Variants in PRR16 observed in about 807,000 individuals in gnomAD.
PRR16 encodes the protein protein Largen.
In PRR16, 6 loss-of-function variants were observed where a neutral mutation model predicts 18.2. The observed-to-expected ratio is 0.33, with a 90% CI of 0.18 to 0.65. PRR16 has a LOEUF of 0.65. Ranked by LOEUF, PRR16 falls within the 30% of genes least tolerant of loss-of-function variation. The pLI, the probability that PRR16 is intolerant of heterozygous loss-of-function variation, is 0.74. For missense variants in PRR16, 412 were observed against 376.6 expected, an observed-to-expected ratio of 1.09 and a Z score of -0.78; for synonymous variants, 151 against 147.8, an observed-to-expected ratio of 1.02 and a Z score of -0.16.
chr5:120,755,015 A>T, the PRR16 span, among the ~76,000 whole-genome samples: 1 of 125,468 alleles, frequency 8.0e-6, no homozygotes, highest in Non-Finnish European at 1.6e-5. Context: ...GTATTATGTG[A>T]CTAAGTTTTT....
At chr5:120,726,795 A>G in the PRR16 span, among the ~76,000 whole-genome samples, 2 of 152,080 alleles carry the variant, frequency 1.3e-5, no homozygotes, top group Non-Finnish European at 2.9e-5. Context: ...TCAACTTGTC[A>G]TAGAAATGGG....
the PRR16 span, among the ~76,000 whole-genome samples, chr5:120,783,712 G>A: frequency 1.3e-5 from 2 of 152,110 alleles, no homozygotes; most frequent in Non-Finnish European, 1.5e-5. Flanking sequence ...TCATGTTTTT[G>A]TGTTGGGAAC....
chr5:120,710,249 G>C, the PRR16 span, among the ~76,000 whole-genome samples: 3 of 152,076 alleles, frequency 2.0e-5, no homozygotes, highest in Admixed American at 6.6e-5. Context: ...GTGATGTTTA[G>C]CATCATAGCT....
chr5:120,518,644 CAT>C (rs1316161831), intron 1 of PRR16, among the ~76,000 whole-genome samples: 1 of 151,698 alleles, frequency 6.6e-6, no homozygotes, highest in Admixed American at 6.6e-5. Flanking sequence ...TTTTCCTGGA[CAT>C]GTGGCCTTCT....
At chr5:120,747,751 A>G in the PRR16 span, among the ~76,000 whole-genome samples, 1 of 151,912 alleles carries the variant, frequency 6.6e-6, no homozygotes, top group East Asian at 1.9e-4. Context: ...AGGAAGGAAG[A>G]GAAAGATGAA....
chr5:120,516,428 A>AG (rs1329617356), intron 1 of PRR16, among the ~76,000 whole-genome samples: 1 of 129,690 alleles, frequency 7.7e-6, no homozygotes, highest in Admixed American at 7.3e-5. Context: ...TGTCTCAAAA[A>AG]AAAAAAAAAA....
At chr5:120,543,982 GAGTTGTTATTC>G (rs1158426769) in intron 1 of PRR16, among the ~76,000 whole-genome samples, 1 of 152,160 alleles carries the variant, frequency 6.6e-6, no homozygotes, top group Non-Finnish European at 1.5e-5. Context: ...TAATCATGAA[GAGTTGTTATTC>G]AGTGTTTGTC....
chr5:120,491,747 T>A (rs1192742877), intron 1 of PRR16, among the ~76,000 whole-genome samples: 1 of 152,158 alleles, frequency 6.6e-6, no homozygotes, highest in Non-Finnish European at 1.5e-5. Flanking sequence ...TTTCACCATG[T>A]TAGCCAGGGT....
intron 1 of PRR16, among the ~76,000 whole-genome samples, chr5:120,470,188 A>C (rs1749223764): frequency 6.6e-6 from 1 of 152,172 alleles, no homozygotes; most frequent in East Asian, 1.9e-4. Flanking sequence ...GAGTAATAAA[A>C]TTCCAGTAGG....
the PRR16 span, among the ~76,000 whole-genome samples, chr5:120,745,363 T>C: frequency 6.6e-6 from 1 of 152,282 alleles, no homozygotes; most frequent in South Asian, 2.1e-4. Context: ...ACCATTTTCC[T>C]TTTTCTGAGG....
intron 1 of PRR16, among the ~76,000 whole-genome samples, chr5:120,470,698 G>T (rs533998768): frequency 6.6e-6 from 1 of 151,958 alleles, no homozygotes; most frequent in Non-Finnish European, 1.5e-5. Context: ...TCTTCTCAGC[G>T]CATTTATTTA....
At chr5:120,569,644 TCA>T (rs1239953249) in intron 1 of PRR16, among the ~76,000 whole-genome samples, 18 of 152,082 alleles carry the variant, frequency 1.2e-4, no homozygotes, top group Admixed American at 8.5e-4. Flanking sequence ...GAACAAAACA[TCA>T]CCCCACAAAG....
At chr5:120,576,548 C>T (rs569240819) in intron 1 of PRR16, among the ~76,000 whole-genome samples, 9 of 152,132 alleles carry the variant, frequency 5.9e-5, no homozygotes, top group African/African-American at 2.2e-4. Flanking sequence ...TAAAGGAAAC[C>T]CTTATACTCT....
intron 1 of PRR16, among the ~76,000 whole-genome samples, chr5:120,545,081 C>T (rs17426375): frequency 0.015 from 2,229 of 152,126 alleles, 32 homozygotes; most frequent in Non-Finnish European, 0.024. Context: ...AGACTGAGCA[C>T]AGAGGTAGGA....
chr5:120,480,667 A>G (rs1219476445), intron 1 of PRR16, among the ~76,000 whole-genome samples: 1 of 152,144 alleles, frequency 6.6e-6, no homozygotes, highest in Non-Finnish European at 1.5e-5. Flanking sequence ...CTGATGAAGA[A>G]AGAGAGTTAA....
At chr5:120,655,017 A>T (rs1485839578) in intron 1 of PRR16, among the ~76,000 whole-genome samples, 3 of 151,954 alleles carry the variant, frequency 2.0e-5, no homozygotes, top group African/African-American at 7.2e-5. Context: ...TTACTGAAGT[A>T]TTCATATATG....
intron 1 of PRR16, among the ~76,000 whole-genome samples, chr5:120,590,211 C>G (rs1477646471): frequency 6.6e-6 from 1 of 152,102 alleles, no homozygotes; most frequent in Non-Finnish European, 1.5e-5. Context: ...CCAATTTGAT[C>G]CTTCAGGATC....
intron 1 of PRR16, among the ~76,000 whole-genome samples, chr5:120,510,562 A>T (rs932350349): frequency 1.3e-5 from 2 of 152,202 alleles, no homozygotes; most frequent in South Asian, 4.1e-4. Flanking sequence ...GTTAGATATT[A>T]GACATTGTGT....
intron 1 of PRR16, among the ~76,000 whole-genome samples, chr5:120,610,936 C>T (rs1434067634): frequency 6.6e-6 from 1 of 152,162 alleles, no homozygotes; most frequent in African/African-American, 2.4e-5. Flanking sequence ...TTTGGAACTT[C>T]CTAGAGACTT....
Sources: allele counts gnomAD v4.1 joint callset (sites outside exome capture counted in the v4.1 genomes callset), GRCh38; gene constraint gnomAD v4.1.1; transcripts MANE v1.5; gene names NCBI Gene and HGNC (gene_info 2026-07-23, HGNC 2026-07-21).